AMPH: variants seen among roughly 807,000 people sequenced by gnomAD.
AMPH encodes amphiphysin (Stiff-Mann syndrome with breast cancer 128kD autoantigen).
In AMPH, 49 loss-of-function variants were observed where a neutral mutation model predicts 99.1. The ratio of observed to expected loss-of-function variants is 0.49; its 90% CI spans 0.39 to 0.63. AMPH has a LOEUF of 0.63. AMPH is among the 20% of genes least tolerant of loss of function. The pLI, the probability that AMPH is intolerant of heterozygous loss-of-function variation, is 0.00. For synonymous variants in AMPH, 314 were observed against 317.3 expected (o/e 0.99, Z 0.11); for missense variants, 759 against 863.4 (o/e 0.88, Z 1.52).
chr7:38,603,009 C>A (rs1042299975), intron 1 of AMPH, among the ~76,000 whole-genome samples: 2 of 152,144 alleles, frequency 1.3e-5, no homozygotes, highest in African/African-American at 4.8e-5. Flanking sequence ...CAACTGACAA[C>A]ACCTGAATCA....
At chr7:38,596,329 C>G (rs1793058710) in intron 1 of AMPH, among the ~76,000 whole-genome samples, 2 of 152,164 alleles carry the variant, frequency 1.3e-5, no homozygotes, top group South Asian at 2.1e-4. Flanking sequence ...CTTCCTCCAG[C>G]CTCTTGTCTC....
Position 38,480,466 on chromosome 7 carries a change from AT to A in AMPH, c.397-3498del, listed in dbSNP as rs1391587322. ...AGTGCTTCTTCCAACAGCTCCCACC[AT>A]TTCTCTGACAGACTTTATGAGTCAA... On this transcript the variant is annotated intron_variant, in intron 5 of 20. Transcript: ENST00000356264. Among the ~76,000 whole-genome samples, 6 of 151,906 alleles carry A rather than the reference AT, an allele frequency of 3.9e-5. No homozygotes were observed. In the East Asian group the frequency reaches 9.7e-4, roughly 24 times the overall value.
chr7:38,495,357 A>T (rs1191324283), intron 3 of AMPH, among the ~76,000 whole-genome samples: 3 of 152,178 alleles, frequency 2.0e-5, no homozygotes, highest in Non-Finnish European at 4.4e-5. Flanking sequence ...AAGTAAGATA[A>T]TTATTTACTT....
chr7:38,489,927 G>C (rs1025644290), intron 5 of AMPH, among the ~76,000 whole-genome samples: 1 of 151,980 alleles, frequency 6.6e-6, no homozygotes, highest in African/African-American at 2.4e-5. Context: ...ATCTGTCAAA[G>C]GGTATATCTC....
intron 1 of AMPH, among the ~76,000 whole-genome samples, chr7:38,544,274 G>A (rs10229941): frequency 0.92 from 139,597 of 152,222 alleles, 64,195 homozygotes; most frequent in East Asian, 1. Flanking sequence ...TATACAAAAT[G>A]TATGTTCTCC....
At chr7:38,401,656 A>G (rs1206670223) in intron 17 of AMPH, among the ~76,000 whole-genome samples, 1 of 152,232 alleles carries the variant, frequency 6.6e-6, no homozygotes, top group Non-Finnish European at 1.5e-5. Flanking sequence ...TGGATAAGTC[A>G]GAGAACAACC....
intron 11 of AMPH, among the ~76,000 whole-genome samples, chr7:38,445,095 C>A (rs1786720700): frequency 6.7e-6 from 1 of 148,816 alleles, no homozygotes; most frequent in Non-Finnish European, 1.5e-5. Context: ...ATGGTATATA[C>A]ATATATATTA....
intron 1 of AMPH, among the ~76,000 whole-genome samples, chr7:38,590,435 C>T (rs1792813507): frequency 6.6e-6 from 1 of 152,250 alleles, no homozygotes; most frequent in Non-Finnish European, 1.5e-5. Context: ...TGAGCCAGAA[C>T]AAACACAGAC....
At chr7:38,412,954 T>A (rs1446401117) in intron 17 of AMPH, among the ~76,000 whole-genome samples, 1 of 152,176 alleles carries the variant, frequency 6.6e-6, no homozygotes, top group Non-Finnish European at 1.5e-5. Flanking sequence ...AAATTTGTGT[T>A]GATGGAGATC....
At chr7:38,597,806 T>C (rs1793111583) in intron 1 of AMPH, among the ~76,000 whole-genome samples, 4 of 152,228 alleles carry the variant, frequency 2.6e-5, no homozygotes, top group Admixed American at 2.0e-4. Context: ...CCATCTTGTT[T>C]ATGGTAACTT....
intron 4 of AMPH, 105 bp downstream of exon 4, chr7:38,494,328 T>G: frequency 1.1e-6 from 1 of 949,466 alleles, no homozygotes; most frequent in South Asian, 1.4e-5. Context: ...CTGAGCACAC[T>G]GTCTTGCCTC....
At chr7:38,610,234 C>CAAAAAAAAAAAAAAAAAAAAA (rs544036143) in intron 1 of AMPH, among the ~76,000 whole-genome samples, 2 of 6,128 alleles carry the variant, frequency 3.3e-4, no homozygotes, top group Non-Finnish European at 2.7e-4. Flanking sequence ...TAAGCTCTCT[C>CAAAAAAAAAAAAAAAAAAAAA]AAAAAAAAAA....
intron 16 of AMPH, among the ~76,000 whole-genome samples, chr7:38,421,434 T>C (rs958482334): frequency 6.6e-6 from 1 of 152,224 alleles, no homozygotes; most frequent in Non-Finnish European, 1.5e-5. Flanking sequence ...AATTTGTATT[T>C]GAAACATTTA....
chr7:38,564,784 C>A (rs1381638381), intron 1 of AMPH, among the ~76,000 whole-genome samples: 1 of 152,098 alleles, frequency 6.6e-6, no homozygotes, highest in Non-Finnish European at 1.5e-5. Flanking sequence ...GGTGAAAAAA[C>A]CTTATCAAGG....
At chr7:38,420,820 A>AAAGGGT in intron 16 of AMPH, 1 of 359,804 alleles carries the variant, frequency 2.8e-6, no homozygotes, top group Non-Finnish European at 5.6e-6. Context: ...TACTGATTCA[A>AAAGGGT]AAGGGTTTAA....
At chr7:38,426,914 T>C in intron 15 of AMPH, 40 bp downstream of exon 15, 1 of 1,595,374 alleles carries the variant, frequency 6.3e-7, no homozygotes, top group Non-Finnish European at 8.6e-7. Context: ...ATGTGCATCA[T>C]TCTCAGCAGA....
chr7:38,527,388 AG>A (rs1280516529), intron 2 of AMPH, among the ~76,000 whole-genome samples: 1 of 152,252 alleles, frequency 6.6e-6, no homozygotes, highest in Non-Finnish European at 1.5e-5. Context: ...CCATGAATAT[AG>A]TACATCTTTC....
intron 1 of AMPH, among the ~76,000 whole-genome samples, chr7:38,594,909 G>A (rs1792995738): frequency 6.6e-6 from 1 of 152,036 alleles, no homozygotes; most frequent in Admixed American, 6.5e-5. Context: ...AGAAATCTAA[G>A]GCAGAGATTA....
intron 2 of AMPH, among the ~76,000 whole-genome samples, chr7:38,530,318 C>A (rs1464294304): frequency 3.3e-5 from 5 of 152,198 alleles, no homozygotes; most frequent in Non-Finnish European, 5.9e-5. Context: ...ATTCTCACCA[C>A]TGGAGAGGAT....
Sources: allele counts gnomAD v4.1 joint callset (sites outside exome capture counted in the v4.1 genomes callset), GRCh38; gene constraint gnomAD v4.1.1; transcripts MANE v1.5; gene names NCBI Gene and HGNC (gene_info 2026-07-23, HGNC 2026-07-21).